Variants in FGF14 observed in about 807,000 individuals in gnomAD.
FGF14 encodes fibroblast growth factor homologous factor 4.
Under a neutral mutation model 25.5 loss-of-function variants are expected in FGF14, and 5 were observed. The observed-to-expected ratio is 0.20, with a 90% CI of 0.10 to 0.41. The LOEUF (loss-of-function observed/expected upper bound fraction) is 0.41. Ranked by LOEUF, FGF14 falls within the 10% of genes least tolerant of loss-of-function variation. The probability of loss-of-function intolerance (pLI) is 1.00; values close to 1 mark genes in which losing one functional copy is unlikely to be tolerated. For synonymous variants in FGF14, 138 were observed against 118.3 expected (o/e 1.17, Z -1.08); for missense variants, 222 against 320.1 (o/e 0.69, Z 2.34).
chr13:102,066,206 T>C (rs1306725880), intron 1 of FGF14, among the ~76,000 whole-genome samples: 1 of 152,144 alleles, frequency 6.6e-6, no homozygotes, highest in Non-Finnish European at 1.5e-5. Flanking sequence ...GAATTTAAAA[T>C]AGGAGGATAA....
intron 1 of FGF14, among the ~76,000 whole-genome samples, chr13:102,243,769 A>G (rs945351711): frequency 1.3e-5 from 2 of 151,960 alleles, no homozygotes; most frequent in African/African-American, 4.8e-5. Context: ...ACTGGCAAAT[A>G]GGTGGTCAGC....
chr13:102,195,613 A>G (rs890601959), intron 1 of FGF14, among the ~76,000 whole-genome samples: 1 of 151,962 alleles, frequency 6.6e-6, no homozygotes, highest in Non-Finnish European at 1.5e-5. Flanking sequence ...TATAGAACAC[A>G]TGTGCCTGGA....
intron 2 of FGF14, among the ~76,000 whole-genome samples, chr13:101,874,806 G>C (rs139430467): frequency 6.6e-6 from 1 of 151,900 alleles, no homozygotes; most frequent in South Asian, 2.1e-4. Flanking sequence ...CACAGGCATC[G>C]TTAAGAACCT....
At chr13:102,161,644 A>AAGAAGAAGAAGAAGAAGG (rs2047728502) in intron 1 of FGF14, among the ~76,000 whole-genome samples, 1 of 17,024 alleles carries the variant, frequency 5.9e-5, no homozygotes, top group Non-Finnish European at 1.1e-4. Context: ...GAAGAAGAAG[A>AAGAAGAAGAAGAAGAAGG]AGAAGAAGAA....
intron 1 of FGF14, among the ~76,000 whole-genome samples, chr13:102,074,791 T>C (rs2043293751): frequency 6.6e-6 from 1 of 152,162 alleles, no homozygotes; most frequent in Non-Finnish European, 1.5e-5. Flanking sequence ...CATAAAAACA[T>C]GATCCACCAT....
chr13:102,150,493 C>T (rs1321151540), intron 1 of FGF14, among the ~76,000 whole-genome samples: 1 of 152,146 alleles, frequency 6.6e-6, no homozygotes, highest in Non-Finnish European at 1.5e-5. Flanking sequence ...TTACGTTATT[C>T]CAAGTCACAC....
At chr13:102,241,485 A>G (rs567148425) in intron 1 of FGF14, among the ~76,000 whole-genome samples, 5 of 152,230 alleles carry the variant, frequency 3.3e-5, no homozygotes, top group South Asian at 2.1e-4. Flanking sequence ...AAACAGCAAT[A>G]AAGTTATAAG....
At chr13:102,001,357 G>A (rs1023217796) in intron 1 of FGF14, among the ~76,000 whole-genome samples, 2 of 152,160 alleles carry the variant, frequency 1.3e-5, no homozygotes, top group Non-Finnish European at 2.9e-5. Context: ...AGTGATGGAT[G>A]CTCACCAAGA....
intron 3 of FGF14, among the ~76,000 whole-genome samples, chr13:101,743,575 G>A (rs1484709054): frequency 6.6e-6 from 1 of 152,166 alleles, no homozygotes; most frequent in Non-Finnish European, 1.5e-5. Flanking sequence ...TGATAAAGAA[G>A]GCAAGTGTCA....
rs149627769 is a variant in FGF14, at chr13:102,218,248, G to A, written c.208+183223C>T. Reference sequence around the variant, plus strand: ...TTGAATAAAAAGCCCTGACCACAAAGCAGAAGTTTCCTTCCATCTGATTTG... The same window carrying A: ...TTGAATAAAAAGCCCTGACCACAAAACAGAAGTTTCCTTCCATCTGATTTG... On this transcript the variant is annotated intron_variant, in intron 1 of 4. Transcript: ENST00000376131. 2.0e-5 allele frequency among the ~76,000 whole-genome samples: 3 copies of A among 152,078 alleles called. No homozygotes were observed. In the East Asian group the frequency reaches 5.9e-4, roughly 30 times the overall value.
At position 102,256,373 on chromosome 13, in the gene FGF14, T is replaced by C. The variant is rs543451184; in HGVS notation, c.208+145098A>G. On this transcript the variant is annotated intron_variant, in intron 1 of 4. Coordinates refer to the FGF14 transcript ENST00000376131. ...AATTAGCCAAGCATGGTGGGACACA[T>C]TGTAGTCCCAGGTACTCAGCACGGT... Among the ~76,000 whole-genome samples the C allele has an allele frequency of 2.6e-5, 4 of 152,002 alleles. No individual in the cohort carries two copies. The South Asian group carries it at 8.3e-4, about 32-fold the overall frequency.
chr13:101,887,322 A>ATGTGTG (rs139214782), intron 1 of FGF14, among the ~76,000 whole-genome samples: 11 of 145,620 alleles, frequency 7.6e-5, no homozygotes, highest in African/African-American at 2.5e-4. Context: ...TTTCATATAT[A>ATGTGTG]TGTGTGTATA....
intron 1 of FGF14, among the ~76,000 whole-genome samples, chr13:102,185,724 C>A (rs1485355118): frequency 6.6e-6 from 1 of 152,114 alleles, no homozygotes. Flanking sequence ...AGTTGGAACA[C>A]CTGTATTTGG....
intron 1 of FGF14, among the ~76,000 whole-genome samples, chr13:101,884,180 C>CTGGCCT (rs2045874808): frequency 6.6e-6 from 1 of 151,114 alleles, no homozygotes; most frequent in Admixed American, 6.6e-5. Context: ...CCTCTGTGAT[C>CTGGCCT]TGGCCTCTCA....
rs187187049 is a variant in FGF14, at chr13:102,111,088, G to C, written c.209-235792C>G. On this transcript the variant is annotated intron_variant, in intron 1 of 4. Coordinates refer to the FGF14 transcript ENST00000376131. ...CTAAGTCCTGCCCACCCCTGCTTCA[G>C]GTTGCCCCATAATGCCTCACTGTCA... 1.4e-4 allele frequency among the ~76,000 whole-genome samples: 22 copies of C among 152,180 alleles called. No individual in the cohort carries two copies. In the East Asian group the frequency reaches 4.3e-3, roughly 30 times the overall value.
intron 1 of FGF14, among the ~76,000 whole-genome samples, chr13:102,026,311 ATTC>A (rs1240581901): frequency 5.3e-5 from 8 of 151,982 alleles, no homozygotes; most frequent in African/African-American, 1.9e-4. Context: ...TATGGTATAT[ATTC>A]TTTTTATATG....
chr13:102,138,852 T>C (rs1412496227), intron 1 of FGF14, among the ~76,000 whole-genome samples: 2 of 152,232 alleles, frequency 1.3e-5, no homozygotes, highest in Non-Finnish European at 2.9e-5. Flanking sequence ...TCACAACTGG[T>C]ATTGTTTTCA....
At chr13:101,779,434 A>C (rs1021038012) in intron 3 of FGF14, among the ~76,000 whole-genome samples, 1 of 152,224 alleles carries the variant, frequency 6.6e-6, no homozygotes, top group Non-Finnish European at 1.5e-5. Flanking sequence ...AGTAAGGTTC[A>C]CTTCTTTCAT....
At chr13:101,920,761 TC>T (rs2033944254), upstream of FGF14, among the ~76,000 whole-genome samples, 1 of 152,190 alleles carries the variant, frequency 6.6e-6, no homozygotes, top group Non-Finnish European at 1.5e-5. Context: ...ACGAAATAAG[TC>T]CCAAGTTCAA....
Sources: allele counts gnomAD v4.1 joint callset (sites outside exome capture counted in the v4.1 genomes callset), GRCh38; gene constraint gnomAD v4.1.1; transcripts MANE v1.5; gene names NCBI Gene and HGNC (gene_info 2026-07-23, HGNC 2026-07-21).